GALNTL6: variants seen among roughly 807,000 people sequenced by gnomAD.
The protein encoded by GALNTL6 is polypeptide N-acetylgalactosaminyltransferase-like 6.
Under a neutral mutation model 73.7 loss-of-function variants are expected in GALNTL6, and 46 were observed. That is an observed-to-expected ratio of 0.62 (90% CI 0.49 to 0.80). The LOEUF (loss-of-function observed/expected upper bound fraction) is 0.80. Ranked by LOEUF, GALNTL6 falls within the 30% of genes least tolerant of loss-of-function variation. The pLI is 0.00. For synonymous variants in GALNTL6, 259 were observed against 263.7 expected (o/e 0.98, Z 0.17); for missense variants, 604 against 755.0 (o/e 0.80, Z 2.34).
intron 5 of GALNTL6, among the ~76,000 whole-genome samples, chr4:172,403,938 G>A (rs956601229): frequency 4.0e-5 from 6 of 151,866 alleles, no homozygotes; most frequent in African/African-American, 9.7e-5. Flanking sequence ...TTAGAGGAGA[G>A]GCACAAAACT....
At chr4:172,377,317 C>A (rs923430197) in intron 5 of GALNTL6, among the ~76,000 whole-genome samples, 4 of 152,128 alleles carry the variant, frequency 2.6e-5, no homozygotes, top group African/African-American at 9.7e-5. Context: ...TAAAAGTTCT[C>A]CAGGTCCCCA....
rs1209195765 is a variant in GALNTL6, at chr4:172,034,399, CGTGTGT to C, written c.139-195210_139-195205del. Reference sequence around the variant, plus strand: ...TTCTTCCTTAAGGGGAGCGTGCGTGCGTGTGTGTGTGTGTGTGTGTGTGTGTGTGTG... The same window carrying C: ...TTCTTCCTTAAGGGGAGCGTGCGTGCGTGTGTGTGTGTGTGTGTGTGTGTG... On this transcript the variant is annotated intron_variant, in intron 2 of 12. Coordinates refer to ENST00000506823, the MANE Select transcript of GALNTL6 (RefSeq NM_001034845.3). Among the ~76,000 whole-genome samples, 280 of 33,426 alleles carry C rather than the reference CGTGTGT, an allele frequency of 8.4e-3. 1 individual carries two copies. Among genetic ancestry groups the C allele is most frequent in the African/African-American group, 0.026 (266 of 10,404 alleles). The allele number at this position is 33,426 out of a possible 152,430, so 21.9% of individuals were successfully genotyped here. A position where few individuals can be genotyped will look rare whatever the true frequency, so the allele number is the denominator to read the frequency against.
chr4:171,900,733 G>A (rs1403436730), intron 2 of GALNTL6, among the ~76,000 whole-genome samples: 1 of 151,920 alleles, frequency 6.6e-6, no homozygotes, highest in Non-Finnish European at 1.5e-5. Context: ...TTGGGTAAAT[G>A]AAACAAGAAA....
chr4:172,582,492 G>C (rs186331601), intron 5 of GALNTL6, among the ~76,000 whole-genome samples: 2 of 152,234 alleles, frequency 1.3e-5, no homozygotes, highest in South Asian at 4.2e-4. Context: ...TTCAACCAAC[G>C]ATGTCAAATT....
chr4:172,488,911 C>G (rs1733797646), intron 5 of GALNTL6, among the ~76,000 whole-genome samples: 1 of 152,090 alleles, frequency 6.6e-6, no homozygotes, highest in Non-Finnish European at 1.5e-5. Flanking sequence ...AGATTATATG[C>G]TTAGGACATG....
intron 2 of GALNTL6, among the ~76,000 whole-genome samples, chr4:172,006,676 G>A (rs1740852907): frequency 6.6e-6 from 1 of 151,924 alleles, no homozygotes; most frequent in South Asian, 2.1e-4. Flanking sequence ...TGCAACAATT[G>A]AAGTAAAAAC....
intron 2 of GALNTL6, among the ~76,000 whole-genome samples, chr4:171,961,906 AT>A (rs1739230074): frequency 6.6e-6 from 1 of 152,100 alleles, no homozygotes; most frequent in Admixed American, 6.5e-5. Flanking sequence ...AGATTTACTT[AT>A]TTTGCTTCAC....
At chr4:171,840,131 C>G (rs991311883) in intron 2 of GALNTL6, among the ~76,000 whole-genome samples, 2 of 152,170 alleles carry the variant, frequency 1.3e-5, no homozygotes, top group African/African-American at 4.8e-5. Context: ...CACACAAAGT[C>G]ACCGGCTCGC....
intron 2 of GALNTL6, among the ~76,000 whole-genome samples, chr4:172,095,042 C>T (rs1732312671): frequency 6.7e-6 from 1 of 149,600 alleles, no homozygotes; most frequent in African/African-American, 2.5e-5. Flanking sequence ...GTACAATTTT[C>T]AGAGCTTTGC....
chr4:171,908,575 AG>A lies in GALNTL6; in HGVS notation c.138+93858del, dbSNP rs1560836481. Among the ~76,000 whole-genome samples, 5 of 151,892 alleles carry A rather than the reference AG, an allele frequency of 3.3e-5. No homozygotes were observed. The East Asian group carries it at 9.7e-4, about 29-fold the overall frequency. ...TGTAAACTAGTTCAACCATTGTGGA[AG>A]TCAGTGTGGCGATTCCTCAGGGATC... On this transcript the variant is annotated intron_variant, in intron 2 of 12. Coordinates refer to ENST00000506823, the MANE Select transcript of GALNTL6 (RefSeq NM_001034845.3).
At chr4:172,652,018 T>C (rs951085414) in intron 5 of GALNTL6, among the ~76,000 whole-genome samples, 1 of 152,190 alleles carries the variant, frequency 6.6e-6, no homozygotes, top group African/African-American at 2.4e-5. Context: ...CAGTCGAGAC[T>C]CAGAGAAACT....
chr4:172,253,068 TA>T (rs1222985605), intron 3 of GALNTL6, among the ~76,000 whole-genome samples: 2 of 152,088 alleles, frequency 1.3e-5, no homozygotes, highest in East Asian at 3.9e-4. Flanking sequence ...CATAAAAGTC[TA>T]AAAAGCGGGA....
At chr4:171,857,852 A>G (rs1474138986) in intron 2 of GALNTL6, among the ~76,000 whole-genome samples, 2 of 152,196 alleles carry the variant, frequency 1.3e-5, no homozygotes, top group East Asian at 3.8e-4. Flanking sequence ...TTGCAAGGGA[A>G]TAAGGACATG....
chr4:172,594,910 T>C (rs1737794327), intron 5 of GALNTL6, among the ~76,000 whole-genome samples: 1 of 152,212 alleles, frequency 6.6e-6, no homozygotes, highest in Non-Finnish European at 1.5e-5. Flanking sequence ...GAATGGCTTA[T>C]AAACAACAGA....
At chr4:172,163,033 T>C (rs1345640313) in intron 2 of GALNTL6, among the ~76,000 whole-genome samples, 2 of 152,058 alleles carry the variant, frequency 1.3e-5, no homozygotes, top group African/African-American at 2.4e-5. Context: ...GATAAATCAC[T>C]TCTAGTGAAA....
intron 8 of GALNTL6, among the ~76,000 whole-genome samples, chr4:172,889,885 G>A (rs558701973): frequency 1.4e-4 from 21 of 151,854 alleles, no homozygotes; most frequent in South Asian, 4.1e-4. Flanking sequence ...CATCTGGTCC[G>A]GCCTTTTTTT....
rs5864138 is a variant in GALNTL6, at chr4:172,586,475, GAA to G, written c.554-222871_554-222870del. Among the ~76,000 whole-genome samples the G allele has an allele frequency of 3.1e-3, 390 of 127,122 alleles. 1 individual carries two copies. The highest frequency in any genetic ancestry group is 0.025 in the East Asian group (116 of 4,580). The allele number at this position is 127,122 out of a possible 152,430, so 83.4% of individuals were successfully genotyped here. A position where few individuals can be genotyped will look rare whatever the true frequency, so the allele number is the denominator to read the frequency against. On this transcript the variant is annotated intron_variant, in intron 5 of 12. Transcript: ENST00000506823. Reference sequence around the variant, plus strand: ...CAACAGTAGTTGCTCTGGGAATTCAGAAAAAAAAAAAAAAAAGGACATTTCAA... The same window carrying G: ...CAACAGTAGTTGCTCTGGGAATTCAGAAAAAAAAAAAAAAGGACATTTCAA...
At chr4:172,981,921 C>T (rs755046966) in intron 10 of GALNTL6, among the ~76,000 whole-genome samples, 1 of 151,360 alleles carries the variant, frequency 6.6e-6, no homozygotes, top group Admixed American at 6.6e-5. Flanking sequence ...CTCAGCCACC[C>T]AAGTAGCTGG....
chr4:172,820,099 G>T (rs1431202946), intron 7 of GALNTL6, among the ~76,000 whole-genome samples: 1 of 152,220 alleles, frequency 6.6e-6, no homozygotes, highest in East Asian at 1.9e-4. Context: ...AGGGTGCCCA[G>T]TGGAGAGTGT....
Sources: gnomAD v4.1 joint callset for allele counts (sites outside exome capture counted in the v4.1 genomes callset) on GRCh38, gnomAD v4.1.1 for gene constraint, MANE v1.5 for transcripts, NCBI Gene and HGNC (gene_info 2026-07-23, HGNC 2026-07-21) for gene names.